The following LANCL1 variants were observed in gnomAD, a reference collection of about 807,000 sequenced individuals.
LANCL1 encodes LanC like glutathione S-transferase 1, also known as glutathione S-transferase LANCL1.
LANCL1 carries 50 observed loss-of-function variants against 50.6 expected under a neutral mutation model. The observed-to-expected ratio is 0.99, with a 90% confidence interval of 0.79 to 1.25. The LOEUF is 1.25. LANCL1 is among the 50% of genes most tolerant of loss of function. The probability of loss-of-function intolerance (pLI) is 0.00; values close to 1 mark genes in which losing one functional copy is unlikely to be tolerated. For missense variants in LANCL1, 532 were observed against 480.7 expected (o/e 1.11, Z -1.00); for synonymous variants, 188 against 178.6 (o/e 1.05, Z -0.42).
At position 210,432,140 on chromosome 2, in the gene LANCL1, G is replaced by C. The variant is rs1692765756; in HGVS notation, c.*2347C>G. 6.6e-6 allele frequency: 1 copy of C among 152,282 alleles called. No individual in the cohort carries two copies. Among genetic ancestry groups the C allele is most frequent in the South Asian group, 2.1e-4 (1 of 4,832 alleles). The allele number at this position is 152,282 out of a possible 1,614,324, so 9.4% of individuals were successfully genotyped here. On this transcript the variant is annotated 3_prime_UTR_variant, in exon 10 of 10. Transcript: ENST00000450366. ...TAAAACTAAGAAGCCTAGTATAAAAGTTTCTTTAGTTACTACCATGTTGTT... is the reference window on the plus strand; with the variant it reads ...TAAAACTAAGAAGCCTAGTATAAAACTTTCTTTAGTTACTACCATGTTGTT...
intron 3 of LANCL1, among the ~76,000 whole-genome samples, chr2:210,464,581 T>C (rs1222105437): frequency 6.6e-6 from 1 of 152,148 alleles, no homozygotes; most frequent in Non-Finnish European, 1.5e-5. Context: ...AGGTGTGTCA[T>C]GAATGCACAA....
chr2:210,441,248 A>T lies in LANCL1; in HGVS notation c.543+60T>A. On this transcript the variant is annotated intron_variant, in intron 5 of 9. Transcript: ENST00000450366. Reference sequence around the variant, plus strand: ...ACTACAGAGACATAAACAATAGTTTAGGCAGATAGTAAGTAAATGGGATCC... The same window carrying T: ...ACTACAGAGACATAAACAATAGTTTTGGCAGATAGTAAGTAAATGGGATCC... The T allele has an allele frequency of 4.6e-6, 7 of 1,522,494 alleles. No homozygotes were observed. The South Asian group carries it at 8.1e-5, about 18-fold the overall frequency. 94.3% of individuals were successfully genotyped at this position (1,522,494 alleles called of 1,614,324 possible).
chr2:210,471,583 A>C (rs770540344), intron 3 of LANCL1: 1 of 466,638 alleles, frequency 2.1e-6, no homozygotes, highest in South Asian at 1.5e-5. Flanking sequence ...TTTATTCCTG[A>C]GATCAATCCT....
At chr2:210,451,574 A>C (rs1342029907) in intron 4 of LANCL1, among the ~76,000 whole-genome samples, 1 of 152,200 alleles carries the variant, frequency 6.6e-6, no homozygotes, top group African/African-American at 2.4e-5. Flanking sequence ...ATTTATGCTA[A>C]GTGATTTCCA....
rs1032478244 is a variant in LANCL1, at chr2:210,432,167, G to A, written c.*2320C>T. 6.6e-6 allele frequency: 1 copy of A among 152,174 alleles called. No homozygotes were observed. Among genetic ancestry groups the A allele is most frequent in the Non-Finnish European group, 1.5e-5 (1 of 68,034 alleles). 9.4% of individuals were successfully genotyped at this position (152,174 alleles called of 1,614,324 possible). ...TTCTTTAGTTACTACCATGTTGTTA[G>A]GGGATTGTCTCAGCGTTGTAGGCTT... On this transcript the variant is annotated 3_prime_UTR_variant, in exon 10 of 10. Coordinates refer to ENST00000450366, the MANE Select transcript of LANCL1 (RefSeq NM_006055.3).
rs898495416 is a variant in LANCL1, at chr2:210,431,786, G to C, written c.*2701C>G. ...ATCAAAGATGAAAAGAGAGCCACAT[G>C]ACTCAGGATTAAAGACTGACAACTC... is the stretch of plus-strand genomic sequence containing the variant. On this transcript the variant is annotated 3_prime_UTR_variant, in exon 10 of 10. Coordinates refer to ENST00000450366, the MANE Select transcript of LANCL1 (RefSeq NM_006055.3). 6.6e-6 allele frequency: 1 copy of C among 152,204 alleles called. No individual in the cohort carries two copies. Among genetic ancestry groups the C allele is most frequent in the African/African-American group, 2.4e-5 (1 of 41,466 alleles). The allele number at this position is 152,204 out of a possible 1,614,324, so 9.4% of individuals were successfully genotyped here.
intron 4 of LANCL1, among the ~76,000 whole-genome samples, chr2:210,443,565 T>G (rs1368054722): frequency 2.0e-5 from 3 of 152,212 alleles, no homozygotes; most frequent in Non-Finnish European, 4.4e-5. Flanking sequence ...AAATAGTCCC[T>G]TCCAGTTTAG....
In LANCL1 at chr2:210,436,393, C is replaced by CTT. The variant is rs898105601; in HGVS notation, c.874-2_874-1insAA. ...AGAGATACTTTTCCTCTCTGAATAC[C>CTT]TGCAGAGGCAAAGGACACATTTTAT... On this transcript the variant is annotated splice_acceptor_variant, in intron 7 of 9. Coordinates refer to ENST00000450366, the MANE Select transcript of LANCL1 (RefSeq NM_006055.3). LOFTEE classifies it high-confidence loss of function. The CTT allele has an allele frequency of 4.3e-6, 7 of 1,612,916 alleles. No individual in the cohort carries two copies. The highest frequency in any genetic ancestry group is 5.9e-6 in the Non-Finnish European group (7 of 1,179,046).
chr2:210,473,005 C>T (rs1221559786), intron 2 of LANCL1, among the ~76,000 whole-genome samples: 1 of 152,136 alleles, frequency 6.6e-6, no homozygotes, highest in Non-Finnish European at 1.5e-5. Context: ...GAGGCTCACA[C>T]AATCATTACG....
intron 6 of LANCL1, among the ~76,000 whole-genome samples, chr2:210,438,836 G>C (rs1693028826): frequency 6.6e-6 from 1 of 152,116 alleles, no homozygotes; most frequent in Non-Finnish European, 1.5e-5. Flanking sequence ...ACACATTTTA[G>C]TTTCTCCTTT....
intron 3 of LANCL1, among the ~76,000 whole-genome samples, chr2:210,461,973 T>A (rs1693877870): frequency 6.6e-6 from 1 of 152,256 alleles, no homozygotes; most frequent in African/African-American, 2.4e-5. Context: ...ACACCTTATC[T>A]GCTCATTTAA....
chr2:210,467,377 G>A (rs1694098952), intron 3 of LANCL1, among the ~76,000 whole-genome samples: 1 of 152,060 alleles, frequency 6.6e-6, no homozygotes, highest in Admixed American at 6.6e-5. Context: ...TTCTGCCTCT[G>A]CCACCCATGA....
chr2:210,438,262 G>C (rs535654400), intron 6 of LANCL1, among the ~76,000 whole-genome samples: 77 of 150,746 alleles, frequency 5.1e-4, no homozygotes, highest in Non-Finnish European at 9.9e-4. Flanking sequence ...AGCCTCCCAA[G>C]TACTTGGGAT....
chr2:210,434,455 A>G lies in LANCL1; in HGVS notation c.*32T>C. On this transcript the variant is annotated 3_prime_UTR_variant, in exon 10 of 10. Coordinates refer to ENST00000450366, the MANE Select transcript of LANCL1 (RefSeq NM_006055.3). ...TGGGTTTGAATATACAGAAAGGGTC[A>G]TGCAGTGAGTTGCAGGTGGCATGCT... The G allele has an allele frequency of 1.3e-6, 2 of 1,562,176 alleles. No homozygotes were observed. Among genetic ancestry groups the G allele is most frequent in the East Asian group, 4.5e-5 (2 of 44,544 alleles).
At chr2:210,455,812 T>G (rs796082625) in intron 3 of LANCL1, among the ~76,000 whole-genome samples, 65 of 132,760 alleles carry the variant, frequency 4.9e-4, no homozygotes, top group South Asian at 3.7e-3. Flanking sequence ...GTGTGTGTGT[T>G]TTTTTTTTTT....
intron 2 of LANCL1, among the ~76,000 whole-genome samples, chr2:210,474,250 T>C (rs899467618): frequency 6.6e-6 from 1 of 152,158 alleles, no homozygotes; most frequent in Non-Finnish European, 1.5e-5. Flanking sequence ...TGTTAAGAAA[T>C]TAAGGAGGAC....
chr2:210,462,640 T>C (rs2105917127), intron 3 of LANCL1, among the ~76,000 whole-genome samples: 1 of 152,302 alleles, frequency 6.6e-6, no homozygotes, highest in South Asian at 2.1e-4. Context: ...CCATGCTGAA[T>C]ATATTAATAC....
rs1200816481 is a variant in LANCL1 at position 210,455,167 on chromosome 2, A to G, written c.347T>C (p.Val116Ala). ...CATCTTGTGATATAGCACAGCGGCC[A>G]CTGCCAGGGGGCCTGCATCCCCACA... ...FLCGDAGPLAVAAVLYHKMNN... is the reference protein window; with the variant it reads ...FLCGDAGPLAAAAVLYHKMNN... Residue 116 changes from valine (V) to alanine (A), a missense_variant, in exon 4 of 10, where the codon GTG (valine) becomes GCG (alanine). Transcript: ENST00000450366. The G allele has an allele frequency of 1.2e-6, 2 of 1,613,674 alleles. No homozygotes were observed. Among genetic ancestry groups the G allele is most frequent in the Non-Finnish European group, 1.7e-6 (2 of 1,179,784 alleles).
chr2:210,443,737 C>T (rs372699980), intron 4 of LANCL1, among the ~76,000 whole-genome samples: 6 of 152,266 alleles, frequency 3.9e-5, no homozygotes, highest in African/African-American at 1.2e-4. Flanking sequence ...ACCCCCGCCC[C>T]AAAGTGATGT....
Sources: allele counts gnomAD v4.1 joint callset (sites outside exome capture counted in the v4.1 genomes callset), GRCh38; gene constraint gnomAD v4.1.1; transcripts MANE v1.5; gene names NCBI Gene and HGNC (gene_info 2026-07-23, HGNC 2026-07-21).